Variants in MPP7 observed in about 807,000 individuals in gnomAD.
MPP7 encodes the protein MAGUK p55 subfamily member 7.
Under a neutral mutation model 76.5 loss-of-function variants are expected in MPP7, and 60 were observed. The observed-to-expected ratio is 0.78, with a 90% CI of 0.64 to 0.97. The LOEUF is 0.97. Ranked by LOEUF, MPP7 falls within the 50% of genes least tolerant of loss-of-function variation. The pLI, the probability that MPP7 is intolerant of heterozygous loss-of-function variation, is 0.00. For synonymous variants in MPP7, 237 were observed against 244.5 expected, an observed-to-expected ratio of 0.97 and a Z score of 0.29; for missense variants, 641 against 694.0, an observed-to-expected ratio of 0.92 and a Z score of 0.86.
chr10:28,076,545 A>G (rs1276117337), intron 12 of MPP7, among the ~76,000 whole-genome samples: 2 of 151,982 alleles, frequency 1.3e-5, no homozygotes, highest in Non-Finnish European at 2.9e-5. Flanking sequence ...ATGCGCGCAC[A>G]CACACACACA....
At chr10:28,114,900 G>C (rs1317027628) in intron 11 of MPP7, among the ~76,000 whole-genome samples, 1 of 152,204 alleles carries the variant, frequency 6.6e-6, no homozygotes, top group Non-Finnish European at 1.5e-5. Context: ...ACAGTTCACT[G>C]AGACTGAGTG....
chr10:28,125,101 C>A lies in MPP7; in HGVS notation c.448-10G>T, dbSNP rs183893139. On this transcript the variant is annotated splice_polypyrimidine_tract_variant and intron_variant, in intron 6 of 16. Transcript: ENST00000683449. ...TCTTAATGGTAGCTCCCTTTTAAGA[C>A]AAAAACAAAAAGCATTTGTGGGTAA... 234 of 1,610,954 alleles carry A rather than the reference C, an allele frequency of 1.5e-4. No individual in the cohort carries two copies. In the African/African-American group the frequency reaches 2.7e-3, roughly 18 times the overall value.
At chr10:28,157,421 AT>A (rs1283552206) in intron 3 of MPP7, among the ~76,000 whole-genome samples, 2 of 152,318 alleles carry the variant, frequency 1.3e-5, no homozygotes, top group Admixed American at 6.5e-5. Flanking sequence ...TGGTTAGGGA[AT>A]GTGGAGTGTA....
chr10:28,161,045 G>A (rs7081378), intron 3 of MPP7, among the ~76,000 whole-genome samples: 24,562 of 152,026 alleles, frequency 0.16, 2,310 homozygotes, highest in East Asian at 0.37. Context: ...CACCGTTAGC[G>A]CATTTAAACC....
At chr10:28,181,539 C>G (rs550449853) in intron 3 of MPP7, among the ~76,000 whole-genome samples, 76,146 of 152,108 alleles carry the variant, frequency 0.5, 21,405 homozygotes, top group Middle Eastern at 0.72. Context: ...ATGTGAGCAT[C>G]TATTATCGTG....
At chr10:28,204,607 G>T (rs1348616533) in intron 2 of MPP7, among the ~76,000 whole-genome samples, 1 of 152,170 alleles carries the variant, frequency 6.6e-6, no homozygotes, top group Non-Finnish European at 1.5e-5. Context: ...GCTACCATCG[G>T]AAGAAAGTAG....
At chr10:28,262,209 A>ATATATATATATATACATG (rs1839985602) in intron 1 of MPP7, among the ~76,000 whole-genome samples, 1 of 12,250 alleles carries the variant, frequency 8.2e-5, no homozygotes, top group Non-Finnish European at 3.0e-4. Flanking sequence ...ATATATATAC[A>ATATATATATATATACATG]TATATATATA....
intron 1 of MPP7, among the ~76,000 whole-genome samples, chr10:28,286,708 GA>G (rs1418984570): frequency 1.3e-5 from 2 of 152,066 alleles, no homozygotes; most frequent in African/African-American, 4.8e-5. Flanking sequence ...AAGCACTGAT[GA>G]TCAAAGCAAG....
intron 5 of MPP7, among the ~76,000 whole-genome samples, chr10:28,134,225 G>A (rs1208395538): frequency 6.6e-6 from 1 of 152,020 alleles, no homozygotes; most frequent in Non-Finnish European, 1.5e-5. Flanking sequence ...CAAGTGTATA[G>A]CGGTATCTCC....
chr10:28,228,037 T>C (rs1838755170), intron 2 of MPP7, among the ~76,000 whole-genome samples: 1 of 152,186 alleles, frequency 6.6e-6, no homozygotes, highest in Non-Finnish European at 1.5e-5. Flanking sequence ...TGCCCAACAA[T>C]CTTAATTTGC....
chr10:28,224,049 A>G (rs1838607649), intron 2 of MPP7, among the ~76,000 whole-genome samples: 1 of 151,660 alleles, frequency 6.6e-6, no homozygotes. Flanking sequence ...TACAAAAATT[A>G]GCGTACACGC....
chr10:28,227,855 C>T (rs1164333380), intron 2 of MPP7, among the ~76,000 whole-genome samples: 1 of 152,160 alleles, frequency 6.6e-6, no homozygotes, highest in Non-Finnish European at 1.5e-5. Flanking sequence ...ATTAGTGGAT[C>T]AAATGGTATT....
At chr10:28,294,494 C>A (rs1840996105) in intron 1 of MPP7, among the ~76,000 whole-genome samples, 1 of 152,094 alleles carries the variant, frequency 6.6e-6, no homozygotes, top group South Asian at 2.1e-4. Context: ...TTAAAGAATG[C>A]AAACTTTTTG....
intron 11 of MPP7, chr10:28,118,435 T>C (rs777953309): frequency 1.4e-5 from 14 of 984,492 alleles, no homozygotes; most frequent in African/African-American, 1.7e-5. Context: ...CATCTTTAAG[T>C]GACACATTAT....
chr10:28,197,262 A>G (rs755363136), intron 3 of MPP7, among the ~76,000 whole-genome samples: 18 of 149,036 alleles, frequency 1.2e-4, no homozygotes, highest in Non-Finnish European at 2.2e-4. Flanking sequence ...AGCTCACTGC[A>G]ACCTCTGCCT....
intron 2 of MPP7, among the ~76,000 whole-genome samples, chr10:28,226,970 C>T (rs1329044679): frequency 1.3e-5 from 2 of 152,122 alleles, no homozygotes; most frequent in African/African-American, 4.8e-5. Flanking sequence ...TTTACCTTAC[C>T]ATTAAAGGAA....
chr10:28,160,589 G>A (rs1836226620), intron 3 of MPP7, among the ~76,000 whole-genome samples: 1 of 152,056 alleles, frequency 6.6e-6, no homozygotes, highest in Non-Finnish European at 1.5e-5. Context: ...GGATCCCCAG[G>A]GGTCCACAAG....
intron 11 of MPP7, among the ~76,000 whole-genome samples, chr10:28,092,324 G>C (rs1853345107): frequency 6.6e-6 from 1 of 152,164 alleles, no homozygotes; most frequent in Non-Finnish European, 1.5e-5. Flanking sequence ...CAAAGGTAAA[G>C]AGGAGAAGAG....
At chr10:28,208,126 C>G (rs936706196) in intron 2 of MPP7, among the ~76,000 whole-genome samples, 1 of 152,056 alleles carries the variant, frequency 6.6e-6, no homozygotes, top group Non-Finnish European at 1.5e-5. Context: ...AGAGGACTCC[C>G]TCCCCAAGGC....
Sources: gnomAD v4.1 joint callset for allele counts (sites outside exome capture counted in the v4.1 genomes callset) on GRCh38, gnomAD v4.1.1 for gene constraint, MANE v1.5 for transcripts, NCBI Gene and HGNC (gene_info 2026-07-23, HGNC 2026-07-21) for gene names.